EVC2: variants seen among roughly 807,000 people sequenced by gnomAD.
EVC2 encodes the protein EvC ciliary complex subunit 2, also known as limbin.
A neutral mutation model predicts 149.3 loss-of-function variants in EVC2; 148 were observed. The observed-to-expected ratio is 0.99, with a 90% CI of 0.87 to 1.14. The LOEUF is 1.14. Among genes scored for constraint, EVC2 ranks in the 50% most tolerant of loss-of-function variants. The pLI, the probability that EVC2 is intolerant of heterozygous loss-of-function variation, is 0.00. For synonymous variants in EVC2, 776 were observed against 649.9 expected, an observed-to-expected ratio of 1.19 and a Z score of -2.95; for missense variants, 1,854 against 1,627.3, an observed-to-expected ratio of 1.14 and a Z score of -2.40.
At chr4:5,692,148 G>A (rs1474048420) in intron 3 of EVC2, among the ~76,000 whole-genome samples, 1 of 152,160 alleles carries the variant, frequency 6.6e-6, no homozygotes, top group Admixed American at 6.5e-5. Flanking sequence ...GACTCTGGCA[G>A]CTCTCAGTGA....
At chr4:5,629,829 T>C (rs1043248611) in intron 11 of EVC2, among the ~76,000 whole-genome samples, 11 of 152,230 alleles carry the variant, frequency 7.2e-5, no homozygotes, top group African/African-American at 2.7e-4. Flanking sequence ...CCATGCATGC[T>C]GATTGATGGG....
chr4:5,563,203 G>A, intron 21 of EVC2, 88 bp from the exon 22 acceptor site: 3 of 1,325,350 alleles, frequency 2.3e-6, no homozygotes, highest in African/African-American at 2.9e-5. Flanking sequence ...TCCCTCCTTG[G>A]GTCCTGAATT....
Position 5,675,146 on chromosome 4 carries a change from T to C in EVC2, c.870+6114A>G, listed in dbSNP as rs973956494. Among the ~76,000 whole-genome samples the C allele has an allele frequency of 1.9e-4, 29 of 152,226 alleles. 1 individual carries two copies. Among genetic ancestry groups the C allele is most frequent in the Admixed American group, 1.8e-3 (28 of 15,284 alleles). On this transcript the variant is annotated intron_variant, in intron 7 of 21. Transcript: ENST00000344408. Reference sequence around the variant, plus strand: ...CTTATAAATTAAGATGCTCTTTACATATTAAAAACATTAATCTTTTGTCTC... The same window carrying C: ...CTTATAAATTAAGATGCTCTTTACACATTAAAAACATTAATCTTTTGTCTC...
At chr4:5,628,044 T>C (rs1040065833) in intron 12 of EVC2, among the ~76,000 whole-genome samples, 30 of 152,192 alleles carry the variant, frequency 2.0e-4, no homozygotes, top group African/African-American at 6.5e-4. Context: ...GCATATGCTT[T>C]TAAAATTCTG....
chr4:5,649,575 T>C (rs781218873), intron 9 of EVC2, among the ~76,000 whole-genome samples: 1 of 152,066 alleles, frequency 6.6e-6, no homozygotes, highest in Non-Finnish European at 1.5e-5. Flanking sequence ...CAGAACAAAA[T>C]TAGGATAGAA....
At chr4:5,667,099 T>C (rs1309688223) in intron 7 of EVC2, among the ~76,000 whole-genome samples, 1 of 152,166 alleles carries the variant, frequency 6.6e-6, no homozygotes, top group Non-Finnish European at 1.5e-5. Context: ...AAGAAGATAT[T>C]TGAATACATT....
intron 16 of EVC2, among the ~76,000 whole-genome samples, chr4:5,597,163 T>C (rs1310987675): frequency 2.0e-5 from 3 of 152,134 alleles, no homozygotes; most frequent in Non-Finnish European, 2.9e-5. Flanking sequence ...ACCATTCCTT[T>C]CTGAAACTAT....
At chr4:5,642,912 G>A (rs1379099561) in intron 9 of EVC2, among the ~76,000 whole-genome samples, 1 of 152,158 alleles carries the variant, frequency 6.6e-6, no homozygotes, top group Non-Finnish European at 1.5e-5. Flanking sequence ...TTTAATGTTT[G>A]AGCAATTTAA....
rs1385404811 is a variant in EVC2 at position 5,657,990 on chromosome 4, T to C, written c.1145+5117A>G. Among the ~76,000 whole-genome samples the C allele has an allele frequency of 1.3e-5, 2 of 152,124 alleles. No homozygotes were observed. Among genetic ancestry groups the C allele is most frequent in the Non-Finnish European group, 2.9e-5 (2 of 68,008 alleles). On this transcript the variant is annotated intron_variant, in intron 9 of 21. Transcript: ENST00000344408. The surrounding 1 kb of genome is among the most constrained non-coding windows in gnomAD (Gnocchi z 4.7). ...AAAACGCTCATCGCCAGCTCTCAGC[T>C]TAACAAGCCTCCATTAGAAGCATCC...
chr4:5,616,620 A>G (rs1715277400), intron 15 of EVC2, among the ~76,000 whole-genome samples: 1 of 152,242 alleles, frequency 6.6e-6, no homozygotes, highest in Non-Finnish European at 1.5e-5. Context: ...GAAAACATGA[A>G]GATTAAAACA....
chr4:5,611,774 C>A (rs1038943602), intron 16 of EVC2, among the ~76,000 whole-genome samples: 1 of 152,026 alleles, frequency 6.6e-6, no homozygotes, highest in Non-Finnish European at 1.5e-5. Flanking sequence ...GATAAGTAAT[C>A]TGAAACTTAA....
chr4:5,626,570 G>A (rs907753277), intron 12 of EVC2, among the ~76,000 whole-genome samples: 5 of 151,912 alleles, frequency 3.3e-5, no homozygotes, highest in Admixed American at 1.3e-4. Context: ...TCCTGACCTC[G>A]TGATCCACCC....
chr4:5,674,064 A>C (rs1719840275), intron 7 of EVC2, among the ~76,000 whole-genome samples: 1 of 144,892 alleles, frequency 6.9e-6, no homozygotes, highest in Non-Finnish European at 1.5e-5. Context: ...ACAGTCTAAG[A>C]ATCATTTACT....
rs376064004 is a variant in EVC2, at chr4:5,638,163, C to T, written c.1470+2351G>A. Among the ~76,000 whole-genome samples the T allele has an allele frequency of 9.2e-5, 14 of 151,746 alleles. No individual in the cohort carries two copies. In the East Asian group the frequency reaches 1.6e-3, roughly 17 times the overall value. On this transcript the variant is annotated intron_variant, in intron 10 of 21. Coordinates refer to ENST00000344408, the MANE Select transcript of EVC2 (RefSeq NM_147127.5). ...CAGCACTTTGGGAGGCCAAGGTGGGCGGATCACCTGAGGTCAGGAGTTCGA... is the reference window on the plus strand; with the variant it reads ...CAGCACTTTGGGAGGCCAAGGTGGGTGGATCACCTGAGGTCAGGAGTTCGA...
chr4:5,692,394 A>G (rs1721176811), intron 3 of EVC2, among the ~76,000 whole-genome samples: 1 of 152,142 alleles, frequency 6.6e-6, no homozygotes, highest in Non-Finnish European at 1.5e-5. Context: ...TACATACATG[A>G]GTTCTATTAC....
chr4:5,623,022 G>T (rs1156457665), intron 13 of EVC2, 31 bp from the exon 14 acceptor site: 7 of 1,608,494 alleles, frequency 4.4e-6, no homozygotes, highest in Non-Finnish European at 5.1e-6. Flanking sequence ...ATTAAGTGGG[G>T]GTGGGGCTTG....
chr4:5,676,365 A>G (rs1253607558), intron 7 of EVC2, among the ~76,000 whole-genome samples: 3 of 152,214 alleles, frequency 2.0e-5, no homozygotes, highest in Non-Finnish European at 2.9e-5. Context: ...CAGAATCTCT[A>G]TTTACACAAT....
intron 16 of EVC2, among the ~76,000 whole-genome samples, chr4:5,597,389 C>T (rs908053944): frequency 6.6e-6 from 1 of 152,102 alleles, no homozygotes; most frequent in Non-Finnish European, 1.5e-5. Context: ...GGGCTTCATC[C>T]CTGGGATGGA....
Position 5,695,033 on chromosome 4 carries a change from C to T in EVC2, c.284-532G>A, listed in dbSNP as rs1031714976. On this transcript the variant is annotated intron_variant, in intron 2 of 21. Coordinates refer to ENST00000344408, the MANE Select transcript of EVC2 (RefSeq NM_147127.5). The stretch of plus-strand genomic sequence containing the variant: ...GGATGTGTGCACGGCCAGACACAAA[C>T]GCCTGCTGAGCCCTCCAATAGGAAA... 9.2e-5 allele frequency among the ~76,000 whole-genome samples: 14 copies of T among 152,222 alleles called. No individual in the cohort carries two copies. The South Asian group carries it at 2.1e-3, about 23-fold the overall frequency.
Sources: allele counts gnomAD v4.1 joint callset (sites outside exome capture counted in the v4.1 genomes callset), GRCh38; gene constraint gnomAD v4.1.1; non-coding constraint Gnocchi (gnomAD v3.1); transcripts MANE v1.5; gene names NCBI Gene and HGNC (gene_info 2026-07-23, HGNC 2026-07-21).